The following SDS variants were observed in gnomAD, a reference collection of about 807,000 sequenced individuals.
The protein encoded by SDS is L-serine dehydratase/L-threonine deaminase.
Under a neutral mutation model 29.3 loss-of-function variants are expected in SDS, and 19 were observed. The ratio of observed to expected loss-of-function variants is 0.65; its 90% CI spans 0.45 to 0.95. SDS has a LOEUF of 0.95. SDS is among the 40% of genes least tolerant of loss of function. SDS has a pLI of 0.00. For missense variants in SDS, 375 were observed against 439.9 expected, an observed-to-expected ratio of 0.85 and a Z score of 1.32; for synonymous variants, 176 against 189.0, an observed-to-expected ratio of 0.93 and a Z score of 0.56.
At chr12:113,403,047 G>T (rs1957694222) in intron 1 of SDS, among the ~76,000 whole-genome samples, 1 of 152,198 alleles carries the variant, frequency 6.6e-6, no homozygotes, top group South Asian at 2.1e-4. Context: ...GAGGAGGAAG[G>T]CGCTATGCTC....
Position 113,397,356 on chromosome 12 carries a change from C to T in SDS, c.462G>A (p.Glu154=). ...GHASIVKELK[E]TLWEKPGAIA... is the part of the protein sequence containing the mutation. Reference sequence around the variant, plus strand: ...TGGCCCCCGGCTTTTCCCACAGTGTCTCCTTCAGCTCTTTCACGATGGAAG... The same window carrying T: ...TGGCCCCCGGCTTTTCCCACAGTGTTTCCTTCAGCTCTTTCACGATGGAAG... The change falls in exon 6 of 8, where the codon GAG becomes GAA. Residue 154 remains glutamate (E), a synonymous_variant. Transcript: ENST00000257549. The T allele has an allele frequency of 6.2e-7, 1 of 1,612,182 alleles. No homozygotes were observed.
intron 5 of SDS, 133 bp downstream of exon 5, chr12:113,398,382 C>T: frequency 1.6e-6 from 1 of 629,558 alleles, no homozygotes; most frequent in Non-Finnish European, 2.8e-6. Flanking sequence ...AAGTGTGCTT[C>T]TACATGGTGG....
At position 113,392,651 on chromosome 12, in the gene SDS, T is replaced by G. The variant is rs1191046050; in HGVS notation, c.*290A>C. The G allele has an allele frequency of 7.3e-6, 3 of 408,194 alleles. No individual in the cohort carries two copies. Among genetic ancestry groups the G allele is most frequent in the Admixed American group, 8.9e-5 (2 of 22,552 alleles). The allele number at this position is 408,194 out of a possible 1,614,324, so 25.3% of individuals were successfully genotyped here. On this transcript the variant is annotated 3_prime_UTR_variant, in exon 8 of 8. Transcript: ENST00000257549. ...TCACTGCTGTGATTCAGGTCTCTCC[T>G]GTCCACCCTGCTCTGGGTACCTGGT... is the stretch of plus-strand genomic sequence containing the variant.
intron 1 of SDS, among the ~76,000 whole-genome samples, chr12:113,399,988 G>A (rs967189274): frequency 1.3e-5 from 2 of 152,126 alleles, no homozygotes; most frequent in Non-Finnish European, 2.9e-5. Context: ...TCAAACCTTG[G>A]AGCTTTCAAA....
intron 6 of SDS, chr12:113,396,746 C>T (rs1008282445): frequency 5.1e-6 from 1 of 197,580 alleles, no homozygotes; most frequent in African/African-American, 2.3e-5. Flanking sequence ...AGCAATCCTT[C>T]CCACCTTAGC....
At position 113,402,262 on chromosome 12, in the gene SDS, C is replaced by T. The variant is rs188585529; in HGVS notation, c.-3+1506G>A. On this transcript the variant is annotated intron_variant, in intron 1 of 7. Coordinates refer to ENST00000257549, the MANE Select transcript of SDS (RefSeq NM_006843.3). ...CCAAATCGGCATGAACTTTCAGCTC[C>T]TGGAGGTTAATCCCCAAACAATGGG... 2.0e-3 allele frequency among the ~76,000 whole-genome samples: 304 copies of T among 152,284 alleles called. 1 individual carries two copies. The highest frequency in any genetic ancestry group is 7.1e-3 in the African/African-American group (294 of 41,562).
chr12:113,394,491 C>G (rs1175214733), intron 6 of SDS, among the ~76,000 whole-genome samples: 3 of 151,908 alleles, frequency 2.0e-5, no homozygotes, highest in South Asian at 2.1e-4. Flanking sequence ...AGGTGCCCAC[C>G]ACCACACCCG....
intron 1 of SDS, among the ~76,000 whole-genome samples, 188 bp from the exon 2 acceptor site, chr12:113,399,898 G>A (rs925715216): frequency 3.9e-5 from 6 of 152,206 alleles, no homozygotes; most frequent in African/African-American, 9.6e-5. Context: ...AGGTAATCAC[G>A]CCTTGGCCTC....
At chr12:113,399,078 A>G in intron 3 of SDS, 34 bp downstream of exon 3, 1 of 1,612,690 alleles carries the variant, frequency 6.2e-7, no homozygotes, top group East Asian at 2.2e-5. Flanking sequence ...CAGGACACAC[A>G]GCAGAGGACA....
intron 6 of SDS, among the ~76,000 whole-genome samples, chr12:113,394,891 T>A (rs1443196889): frequency 1.3e-5 from 2 of 152,178 alleles, no homozygotes. Context: ...CAAGGAGTCC[T>A]CCTGGGAGAG....
chr12:113,393,974 G>A lies in SDS; in HGVS notation c.696C>T (p.Ala232=), dbSNP rs745693112. ...ALGVKTVGAQ[A]LKLFQEHPIF... ...TGGGGTGTTCCTGAAACAGCTTCAGGGCCTGAGCCCCCACAGTCTTCACGC... is the reference window on the plus strand; with the variant it reads ...TGGGGTGTTCCTGAAACAGCTTCAGAGCCTGAGCCCCCACAGTCTTCACGC... Residue 232 remains alanine (A), a synonymous_variant, in exon 7 of 8, where the codon GCC becomes GCT. Coordinates refer to ENST00000257549, the MANE Select transcript of SDS (RefSeq NM_006843.3). The A allele has an allele frequency of 1.9e-6, 3 of 1,614,126 alleles. No homozygotes were observed. The South Asian group carries it at 3.3e-5, about 18-fold the overall frequency.
chr12:113,399,128 A>G lies in SDS; in HGVS notation c.177T>C (p.His59=). Reference sequence around the variant, plus strand: ...ATCACTTACCCGAGGAGCAGACAAAATGTGCACAGCCTTGCTTGGCCCACT... The same window carrying G: ...ATCACTTACCCGAGGAGCAGACAAAGTGTGCACAGCCTTGCTTGGCCCACT... ...CKRWAKQGCA[H]FVCSSAGNAG... Residue 59 remains histidine, a synonymous_variant, in exon 3 of 8, where the codon CAT becomes CAC. Coordinates refer to ENST00000257549, the MANE Select transcript of SDS (RefSeq NM_006843.3). 2 of 1,613,966 alleles carry G rather than the reference A, an allele frequency of 1.2e-6. No homozygotes were observed. Among genetic ancestry groups the G allele is most frequent in the African/African-American group, 1.3e-5 (1 of 75,036 alleles).
In SDS at chr12:113,403,844, G is replaced by A. The variant is rs978739049; in HGVS notation, c.-79C>T. 4 of 152,606 alleles carry A rather than the reference G, an allele frequency of 2.6e-5. No homozygotes were observed. Among genetic ancestry groups the A allele is most frequent in the Non-Finnish European group, 4.4e-5 (3 of 68,278 alleles). The allele number at this position is 152,606 out of a possible 1,614,324, so 9.5% of individuals were successfully genotyped here. On this transcript the variant is annotated 5_prime_UTR_variant, in exon 1 of 8. Coordinates refer to ENST00000257549, the MANE Select transcript of SDS (RefSeq NM_006843.3). ...GGGATCAACTGAGTAGATAGCCCAC[G>A]AAGAGAGGGGGCTGAGGACGGGTGG...
intron 5 of SDS, 139 bp from the exon 6 acceptor site, chr12:113,397,531 C>A (rs1375160592): frequency 4.3e-6 from 3 of 698,862 alleles, no homozygotes; most frequent in Non-Finnish European, 7.2e-6. Context: ...TTCTAGCTGC[C>A]AGCATCTGTG....
chr12:113,401,374 T>TATTCATTC lies in SDS; in HGVS notation c.-2-1672_-2-1665dup, dbSNP rs200709963. The stretch of plus-strand genomic sequence containing the variant: ...GTGACTAATCACAGCTTTTAAATTT[T>TATTCATTC]ATTCATTCATTCATTCATTCATTCA... On this transcript the variant is annotated intron_variant, in intron 1 of 7. Coordinates refer to ENST00000257549, the MANE Select transcript of SDS (RefSeq NM_006843.3). Among the ~76,000 whole-genome samples, 449 of 150,322 alleles carry TATTCATTC rather than the reference T, an allele frequency of 3.0e-3. 2 individuals are homozygous for TATTCATTC. The highest frequency in any genetic ancestry group is 6.4e-3 in the African/African-American group (260 of 40,924).
At chr12:113,396,279 G>C (rs1169585474) in intron 6 of SDS, among the ~76,000 whole-genome samples, 2 of 152,044 alleles carry the variant, frequency 1.3e-5, no homozygotes, top group Non-Finnish European at 2.9e-5. Flanking sequence ...TTGCCACAGA[G>C]GACTCAGTAA....
intron 2 of SDS, 179 bp from the exon 3 acceptor site, chr12:113,399,330 G>T: frequency 1.2e-6 from 1 of 859,040 alleles, no homozygotes; most frequent in Non-Finnish European, 1.8e-6. Context: ...GCTCAGGAAA[G>T]GGTGGAGGAA....
chr12:113,392,772 C>G lies in SDS; in HGVS notation c.*169G>C, dbSNP rs1047679988. On this transcript the variant is annotated 3_prime_UTR_variant, in exon 8 of 8. Coordinates refer to ENST00000257549, the MANE Select transcript of SDS (RefSeq NM_006843.3). Reference sequence around the variant, plus strand: ...CAAAAAGGTCCAATTCATAGCCTCGCTGGCTGCCGACCTTTGGCCTCTGCA... The same window carrying G: ...CAAAAAGGTCCAATTCATAGCCTCGGTGGCTGCCGACCTTTGGCCTCTGCA... The G allele has an allele frequency of 4.2e-6, 3 of 720,496 alleles. No homozygotes were observed. Among genetic ancestry groups the G allele is most frequent in the South Asian group, 3.1e-5 (2 of 63,858 alleles). 44.6% of individuals were successfully genotyped at this position (720,496 alleles called of 1,614,324 possible).
intron 6 of SDS, chr12:113,396,539 T>C (rs1593297641): frequency 1.3e-5 from 1 of 78,262 alleles, no homozygotes; most frequent in Admixed American, 1.7e-4. Flanking sequence ...CCTCCCTCCC[T>C]CTCTCCCTTC....
Sources: gnomAD v4.1 joint callset for allele counts (sites outside exome capture counted in the v4.1 genomes callset) on GRCh38, gnomAD v4.1.1 for gene constraint, MANE v1.5 for transcripts, NCBI Gene and HGNC (gene_info 2026-07-23, HGNC 2026-07-21) for gene names.